The following EIF5B variants were observed in gnomAD, a reference collection of about 807,000 sequenced individuals.
EIF5B encodes eukaryotic translation initiation factor 5B.
A neutral mutation model predicts 147.5 loss-of-function variants in EIF5B; 47 were observed. The ratio of observed to expected loss-of-function variants is 0.32; its 90% CI spans 0.25 to 0.41. The LOEUF (loss-of-function observed/expected upper bound fraction) is 0.41. EIF5B is among the 10% of genes least tolerant of loss of function. The probability of loss-of-function intolerance (pLI) is 1.00; values close to 1 mark genes in which losing one functional copy is unlikely to be tolerated. For missense variants in EIF5B, 1,064 were observed against 1,413.2 expected (o/e 0.75, Z 3.96); for synonymous variants, 455 against 456.2 (o/e 1.00, Z 0.03).
At chr2:99,348,877 T>C (rs2094278501) in intron 1 of EIF5B, among the ~76,000 whole-genome samples, 1 of 152,178 alleles carries the variant, frequency 6.6e-6, no homozygotes, top group Admixed American at 6.5e-5. Context: ...TAGGAAGAAA[T>C]ATGGGGGTGC....
intron 14 of EIF5B, among the ~76,000 whole-genome samples, chr2:99,385,268 C>T (rs758911767): frequency 2.0e-5 from 3 of 152,214 alleles, no homozygotes; most frequent in Non-Finnish European, 4.4e-5. Context: ...CTGTCTTGAA[C>T]TTCCGAGCTC....
intron 12 of EIF5B, 152 bp from the exon 13 acceptor site, chr2:99,382,007 G>C (rs1332875115): frequency 8.9e-6 from 5 of 560,882 alleles, no homozygotes; most frequent in Non-Finnish European, 1.6e-5. Flanking sequence ...ACTGACAACT[G>C]TACTTTGCTG....
intron 6 of EIF5B, among the ~76,000 whole-genome samples, chr2:99,367,724 G>C (rs2104193407): frequency 6.6e-6 from 1 of 152,220 alleles, no homozygotes; most frequent in Admixed American, 6.5e-5. Flanking sequence ...CAAAGTGCTG[G>C]GATTACAGGC....
At position 99,376,414 on chromosome 2, in the gene EIF5B, GGAA is replaced by G. The variant is rs749511028; in HGVS notation, c.1629_1631del (p.Glu543del). 2.3e-5 allele frequency: 36 copies of G among 1,565,216 alleles called. 1 individual carries two copies. Among genetic ancestry groups the G allele is most frequent in the Admixed American group, 1.0e-4 (6 of 59,306 alleles). ...AAGAGGAGGAGGAGGAGGAAGAAGA[GGAA>G]GAAGAAGATGAAGAAAGTGAAGAAG... On this transcript the variant is annotated inframe_deletion, in exon 10 of 24. Coordinates refer to ENST00000289371, the MANE Select transcript of EIF5B (RefSeq NM_015904.4).
rs59203969 is a variant in EIF5B at position 99,345,611 on chromosome 2, A to AAAT, written c.35+8022_35+8023insAAT. Among the ~76,000 whole-genome samples, 1,141 of 135,504 alleles carry AAAT rather than the reference A, an allele frequency of 8.4e-3. 43 individuals are homozygous for AAAT. Among genetic ancestry groups the AAAT allele is most frequent in the Non-Finnish European group, 0.014 (894 of 63,782 alleles). 88.9% of individuals were successfully genotyped at this position (135,504 alleles called of 152,430 possible). On this transcript the variant is annotated intron_variant, in intron 1 of 23. Coordinates refer to ENST00000289371, the MANE Select transcript of EIF5B (RefSeq NM_015904.4). ...TGTCTCAAAAAAAAAAAAAAAAAAA[A>AAAT]GGAATGTCTAACATGCCTTTCTGGT...
chr2:99,396,757 C>T lies in EIF5B; in HGVS notation c.3255-3C>T. The T allele has an allele frequency of 6.3e-7, 1 of 1,586,188 alleles. No individual in the cohort carries two copies. Among genetic ancestry groups the T allele is most frequent in the South Asian group, 1.2e-5 (1 of 85,824 alleles). ...TTAAAATTCTTTTCTTTTTTCCTTT[C>T]AGGCACATAGCAGTATTTCCCTGCA... is the stretch of plus-strand genomic sequence containing the variant. On this transcript the variant is annotated splice_polypyrimidine_tract_variant and splice_region_variant and intron_variant, in intron 21 of 23. Coordinates refer to ENST00000289371, the MANE Select transcript of EIF5B (RefSeq NM_015904.4).
At chr2:99,360,617 G>T (rs1246846002) in intron 3 of EIF5B, 68 bp downstream of exon 3, 5 of 1,497,612 alleles carry the variant, frequency 3.3e-6, no homozygotes, top group Non-Finnish European at 4.5e-6. Flanking sequence ...TGTTGGTTTG[G>T]GGAGCTACAT....
Position 99,398,810 on chromosome 2 carries a change from A to G in EIF5B, c.3456A>G (p.Lys1152=), listed in dbSNP as rs200659331. Residue 1152 remains lysine, a synonymous_variant, in exon 23 of 24, where the codon AAA becomes AAG. Transcript: ENST00000289371. ...ACCATAAACAAGTGGATGTTGCAAA[A>G]AAAGGACAAGAAGTTTGTGTAAAAA... is the stretch of plus-strand genomic sequence containing the variant. ...EINHKQVDVA[K]KGQEVCVKIE... The G allele has an allele frequency of 2.7e-4, 429 of 1,614,080 alleles. No homozygotes were observed. The highest frequency in any genetic ancestry group is 3.0e-4 in the Non-Finnish European group (357 of 1,180,026).
rs773411395 is a variant in EIF5B at position 99,346,589 on chromosome 2, CTTTTTTTTTTT to C, written c.35+9017_35+9027del. On this transcript the variant is annotated intron_variant, in intron 1 of 23. Transcript: ENST00000289371. ...TTATTTTAGAACATAAGTTGTATCT[CTTTTTTTTTTT>C]TTTTTTTTTTTTTTTTGAGAAGGTG... 8.6e-3 allele frequency among the ~76,000 whole-genome samples: 532 copies of C among 61,694 alleles called. 8 individuals are homozygous for C. The highest frequency in any genetic ancestry group is 0.035 in the African/African-American group (505 of 14,596). The allele number at this position is 61,694 out of a possible 152,430, so 40.5% of individuals were successfully genotyped here.
At chr2:99,382,977 G>A in intron 14 of EIF5B, 56 bp downstream of exon 14, 2 of 1,507,384 alleles carry the variant, frequency 1.3e-6, no homozygotes, top group Admixed American at 2.3e-5. Context: ...AATTTTTTGT[G>A]ATTAAAAAAA....
intron 1 of EIF5B, among the ~76,000 whole-genome samples, chr2:99,342,693 G>A (rs1198455944): frequency 1.3e-5 from 2 of 151,888 alleles, no homozygotes; most frequent in Admixed American, 1.3e-4. Context: ...GTGCAATGGT[G>A]TGATCATCGC....
At chr2:99,355,015 G>A (rs935715851) in intron 1 of EIF5B, among the ~76,000 whole-genome samples, 17 of 151,950 alleles carry the variant, frequency 1.1e-4, no homozygotes, top group Non-Finnish European at 1.3e-4. Context: ...TGTTGGCCAG[G>A]CCAGTCTTGA....
In EIF5B at chr2:99,390,261, A is replaced by G. The variant is rs1206487015; in HGVS notation, c.2446A>G (p.Thr816Ala). The change falls in exon 16 of 24, where the codon ACT (threonine) becomes GCT (alanine). Residue 816 changes from threonine to alanine, a missense_variant. Around this residue, in one of 4 missense-constraint regions of EIF5B, gnomAD observed 380 missense variants for 715.6 expected, o/e 0.53. Transcript: ENST00000289371. ...GTTTTATGAGAATAAAGATCCCCGC[A>G]CTTTTGTGTCTTTGGTACCTACCTC... ...ALFYENKDPR[T>A]FVSLVPTSAH... is the part of the protein sequence containing the mutation. 1.9e-6 allele frequency: 3 copies of G among 1,613,950 alleles called. No individual in the cohort carries two copies. The highest frequency in any genetic ancestry group is 2.7e-5 in the African/African-American group (2 of 74,974).
At chr2:99,347,406 A>T (rs1464759585) in intron 1 of EIF5B, among the ~76,000 whole-genome samples, 1 of 152,230 alleles carries the variant, frequency 6.6e-6, no homozygotes, top group Non-Finnish European at 1.5e-5. Flanking sequence ...TTGAATCTAA[A>T]TCAGGGCTTC....
Position 99,369,387 on chromosome 2 carries a change from T to C in EIF5B, c.1388-5T>C. ...ATATTATCTTGGTTTCTGCCCCTTT[T>C]TCAGTGTCTGAATCAATGGAATTAT... On this transcript the variant is annotated splice_region_variant and splice_polypyrimidine_tract_variant and intron_variant, in intron 7 of 23. Transcript: ENST00000289371. 1.2e-6 allele frequency: 2 copies of C among 1,602,914 alleles called. No homozygotes were observed. The highest frequency in any genetic ancestry group is 1.7e-6 in the Non-Finnish European group (2 of 1,175,912).
At chr2:99,391,889 A>G (rs1415308194) in intron 17 of EIF5B, among the ~76,000 whole-genome samples, 61 of 151,638 alleles carry the variant, frequency 4.0e-4, no homozygotes. Context: ...GCACCACCAC[A>G]CCTGGCTAAT....
intron 14 of EIF5B, among the ~76,000 whole-genome samples, chr2:99,389,273 G>T (rs1674873978): frequency 6.6e-6 from 1 of 152,156 alleles, no homozygotes; most frequent in Admixed American, 6.5e-5. Context: ...TAACAAAACA[G>T]ATTTAATCCT....
intron 1 of EIF5B, among the ~76,000 whole-genome samples, chr2:99,350,594 T>G (rs915165767): frequency 2.6e-5 from 4 of 152,322 alleles, no homozygotes; most frequent in African/African-American, 9.6e-5. Context: ...TGCCCATTGT[T>G]TAGTTGGATT....
At chr2:99,389,108 A>G (rs907659799) in intron 14 of EIF5B, among the ~76,000 whole-genome samples, 1 of 152,156 alleles carries the variant, frequency 6.6e-6, no homozygotes, top group African/African-American at 2.4e-5. Flanking sequence ...CCTTAGTAGC[A>G]TTCAGATTCG....
Sources: allele counts gnomAD v4.1 joint callset (sites outside exome capture counted in the v4.1 genomes callset), GRCh38; gene constraint gnomAD v4.1.1; regional missense constraint gnomAD v4.1.1; transcripts MANE v1.5; gene names NCBI Gene and HGNC (gene_info 2026-07-23, HGNC 2026-07-21).